Variants in UGDH observed in about 807,000 individuals in gnomAD.
The protein encoded by UGDH is UDP-glucose 6-dehydrogenase, also known as UDP-Glc dehydrogenase.
A neutral mutation model predicts 50.6 loss-of-function variants in UGDH; 38 were observed. The ratio of observed to expected loss-of-function variants is 0.75; its 90% CI spans 0.58 to 0.98. UGDH has a LOEUF of 0.98. UGDH is among the 50% of genes least tolerant of loss of function. The pLI is 0.00. For synonymous variants in UGDH, 168 were observed against 199.9 expected (o/e 0.84, Z 1.35); for missense variants, 465 against 606.2 (o/e 0.77, Z 2.45).
chr4:39,519,768 G>A (rs1461980673), intron 2 of UGDH, among the ~76,000 whole-genome samples: 1 of 151,956 alleles, frequency 6.6e-6, no homozygotes, highest in Non-Finnish European at 1.5e-5. Flanking sequence ...TTAAACTCCC[G>A]ACCTCAGGTA....
intron 2 of UGDH, among the ~76,000 whole-genome samples, chr4:39,517,855 G>A (rs996443268): frequency 6.6e-6 from 1 of 152,192 alleles, no homozygotes; most frequent in African/African-American, 2.4e-5. Context: ...TGCAGGAGTA[G>A]TTTCATTGAT....
intron 6 of UGDH, 84 bp from the exon 7 acceptor site, chr4:39,508,744 G>C: frequency 8.7e-7 from 1 of 1,142,994 alleles, no homozygotes; most frequent in South Asian, 1.4e-5. Flanking sequence ...TACTAAATCA[G>C]AAAGCTTATA....
chr4:39,500,445 C>T (rs1745754406), intron 11 of UGDH, among the ~76,000 whole-genome samples, 192 bp from the exon 12 acceptor site: 3 of 152,038 alleles, frequency 2.0e-5, no homozygotes, highest in Non-Finnish European at 4.4e-5. Context: ...TGTACTCCAT[C>T]GTAATATTCA....
At chr4:39,508,188 T>C (rs1440983501) in intron 7 of UGDH, among the ~76,000 whole-genome samples, 1 of 152,206 alleles carries the variant, frequency 6.6e-6, no homozygotes, top group African/African-American at 2.4e-5. Flanking sequence ...AAAAGTGACA[T>C]GCTTAATGAG....
intron 1 of UGDH, among the ~76,000 whole-genome samples, chr4:39,522,764 CTTTT>C (rs5857683): frequency 3.7e-5 from 5 of 133,712 alleles, no homozygotes; most frequent in African/African-American, 1.4e-4. Flanking sequence ...TCCCTCATGA[CTTTT>C]TTTTTTTTTT....
chr4:39,526,445 T>C (rs990632312), intron 1 of UGDH: 3 of 152,238 alleles, frequency 2.0e-5, no homozygotes, highest in Non-Finnish European at 4.4e-5. Context: ...CTCTTTCATT[T>C]CCAGAACCCC....
At position 39,508,625 on chromosome 4, in the gene UGDH, T is replaced by C. The variant is rs1423831672; in HGVS notation, c.847A>G (p.Asn283Asp). The change falls in exon 7 of 12, where the codon AAT (asparagine) becomes GAT (aspartate). Residue 283 changes from asparagine to aspartate, a missense_variant. Coordinates refer to ENST00000316423, the MANE Select transcript of UGDH (RefSeq NM_003359.4). Reference sequence around the variant, plus strand: ...AGAGCCTCACAGAGATAAACCAAATTCAGAACATCCTTTTGGAAACAGCTC... The same window carrying C: ...AGAGCCTCACAGAGATAAACCAAATCCAGAACATCCTTTTGGAAACAGCTC... Reference protein sequence around the residue: ...GGSCFQKDVLNLVYLCEALNL... With the variant: ...GGSCFQKDVLDLVYLCEALNL... 6.2e-7 allele frequency: 1 copy of C among 1,605,150 alleles called. No individual in the cohort carries two copies. The highest frequency in any genetic ancestry group is 8.5e-7 in the Non-Finnish European group (1 of 1,177,660).
intron 11 of UGDH, among the ~76,000 whole-genome samples, chr4:39,501,275 A>C (rs113921621): frequency 0.27 from 23,169 of 84,300 alleles, 2,099 homozygotes; most frequent in Middle Eastern, 0.41. Flanking sequence ...CAACAGCATA[A>C]ATTTTTTTTT....
chr4:39,505,514 T>G (rs1745991409), intron 8 of UGDH, 104 bp downstream of exon 8: 1 of 1,125,666 alleles, frequency 8.9e-7, no homozygotes, highest in African/African-American at 1.6e-5. Flanking sequence ...TCTTTATATT[T>G]TATATATATA....
At chr4:39,524,943 A>T (rs1746814759) in intron 1 of UGDH, among the ~76,000 whole-genome samples, 1 of 152,210 alleles carries the variant, frequency 6.6e-6, no homozygotes, top group Non-Finnish European at 1.5e-5. Flanking sequence ...TGGCAGGTGA[A>T]CTTGTATCAC....
chr4:39,505,858 A>AT, intron 7 of UGDH, 110 bp from the exon 8 acceptor site: 1 of 1,157,694 alleles, frequency 8.6e-7, no homozygotes, highest in South Asian at 3.0e-5. Context: ...CAATGCTTAC[A>AT]TATTAACAAG....
chr4:39,505,387 A>G lies in UGDH; in HGVS notation c.1038-17T>C, dbSNP rs1194405759. 1 of 1,496,916 alleles carries G rather than the reference A, an allele frequency of 6.7e-7. No individual in the cohort carries two copies. The allele number at this position is 1,496,916 out of a possible 1,614,324, so 92.7% of individuals were successfully genotyped here. A position where few individuals can be genotyped will look rare whatever the true frequency, so the allele number is the denominator to read the frequency against. On this transcript the variant is annotated splice_polypyrimidine_tract_variant and intron_variant, in intron 8 of 11. Transcript: ENST00000316423. ...GAAGATTCTCTATAGGAAAAAAAAAATCAGTATTGGTAAGCTTTATGTGGC... is the reference window on the plus strand; with the variant it reads ...GAAGATTCTCTATAGGAAAAAAAAAGTCAGTATTGGTAAGCTTTATGTGGC...
chr4:39,507,372 T>G (rs1189750183), intron 7 of UGDH, among the ~76,000 whole-genome samples: 1 of 152,206 alleles, frequency 6.6e-6, no homozygotes, highest in Non-Finnish European at 1.5e-5. Flanking sequence ...CAAAACCACT[T>G]GAAAGCATGA....
intron 2 of UGDH, among the ~76,000 whole-genome samples, chr4:39,517,323 C>T (rs182066121): frequency 2.2e-4 from 33 of 151,936 alleles, no homozygotes; most frequent in African/African-American, 7.7e-4. Flanking sequence ...CTGCCTCAGC[C>T]TCCCAAGTAG....
At chr4:39,526,853 C>A (rs562689430) in intron 1 of UGDH, among the ~76,000 whole-genome samples, 5 of 152,036 alleles carry the variant, frequency 3.3e-5, no homozygotes, top group Admixed American at 6.6e-5. Context: ...TTAAGAGGGG[C>A]GGCATGAGAA....
Position 39,501,430 on chromosome 4 carries a change from C to G in UGDH, c.1375-1177G>C, listed in dbSNP as rs1027534575. Among the ~76,000 whole-genome samples, 109 of 151,898 alleles carry G rather than the reference C, an allele frequency of 7.2e-4. 1 individual carries two copies. The highest frequency in any genetic ancestry group is 5.9e-5 in the Non-Finnish European group (4 of 68,002). On this transcript the variant is annotated intron_variant, in intron 11 of 11. Transcript: ENST00000316423. ...CTGGGACCACAGGTGCCTGCCACCA[C>G]GCCCGGCAATTTTTTTGTATTTTTA...
intron 3 of UGDH, 84 bp from the exon 4 acceptor site, chr4:39,510,945 G>A: frequency 7.3e-7 from 1 of 1,374,912 alleles, no homozygotes; most frequent in Non-Finnish European, 1.0e-6. Context: ...GTTAAAGTGT[G>A]GAGTTAACAA....
intron 5 of UGDH, 53 bp downstream of exon 5, chr4:39,510,300 A>G: frequency 6.4e-7 from 1 of 1,569,890 alleles, no homozygotes. Context: ...CAGGCTTGAA[A>G]TAAATAAATA....
Position 39,503,887 on chromosome 4 carries a change from G to C in UGDH, c.1362C>G (p.Thr454=). Residue 454 remains threonine, a synonymous_variant, in exon 11 of 12, where the codon ACC becomes ACG. Coordinates refer to ENST00000316423, the MANE Select transcript of UGDH (RefSeq NM_003359.4). ...VLDGLHNELQ[T]IGFQIETIGK... ...GGATCATGATTACCTGGAAGCCAAT[G>C]GTTTGTAGTTCATTGTGGAGCCCAT... 1 of 1,613,976 alleles carries C rather than the reference G, an allele frequency of 6.2e-7. No individual in the cohort carries two copies. The highest frequency in any genetic ancestry group is 8.5e-7 in the Non-Finnish European group (1 of 1,179,946).
Sources: allele counts gnomAD v4.1 joint callset (sites outside exome capture counted in the v4.1 genomes callset), GRCh38; gene constraint gnomAD v4.1.1; transcripts MANE v1.5; gene names NCBI Gene and HGNC (gene_info 2026-07-23, HGNC 2026-07-21).